The following STPG2 variants were observed in gnomAD, a reference collection of about 807,000 sequenced individuals.
STPG2 encodes sperm tail PG-rich repeat containing 2, also known as sperm-tail PG-rich repeat-containing protein 2.
A neutral mutation model predicts 54.2 loss-of-function variants in STPG2; 56 were observed. That is an observed-to-expected ratio of 1.03 (90% CI 0.83 to 1.29). The LOEUF is 1.29. STPG2 is among the 50% of genes most tolerant of loss of function. The pLI is 0.00. For synonymous variants in STPG2, 200 were observed against 181.8 expected, an observed-to-expected ratio of 1.10 and a Z score of -0.81; for missense variants, 596 against 544.9, an observed-to-expected ratio of 1.09 and a Z score of -0.93.
intron 5 of STPG2, among the ~76,000 whole-genome samples, chr4:97,994,214 C>A (rs1012597842): frequency 2.0e-5 from 3 of 152,074 alleles, no homozygotes; most frequent in Non-Finnish European, 4.4e-5. Context: ...AACTTTATTT[C>A]ATTGTTAACC....
chr4:97,789,271 C>T (rs1726920222), intron 9 of STPG2, among the ~76,000 whole-genome samples: 1 of 151,772 alleles, frequency 6.6e-6, no homozygotes, highest in South Asian at 2.1e-4. Flanking sequence ...TAAAATGTGC[C>T]TCATCAAAAA....
chr4:97,622,475 A>G (rs1278505391), intron 10 of STPG2, among the ~76,000 whole-genome samples: 11 of 152,140 alleles, frequency 7.2e-5, no homozygotes, highest in Non-Finnish European at 1.6e-4. Context: ...TATACACAAC[A>G]TATAAGCTGA....
At chr4:97,665,851 C>T (rs1722506088) in intron 10 of STPG2, among the ~76,000 whole-genome samples, 1 of 152,122 alleles carries the variant, frequency 6.6e-6, no homozygotes, top group Non-Finnish European at 1.5e-5. Context: ...TTATCACTGC[C>T]CTGAGCACAC....
At chr4:97,950,252 C>T (rs1733416253) in intron 7 of STPG2, among the ~76,000 whole-genome samples, 1 of 151,902 alleles carries the variant, frequency 6.6e-6, no homozygotes. Flanking sequence ...TAGGTTTGGC[C>T]ATTTTACATA....
intron 10 of STPG2, among the ~76,000 whole-genome samples, chr4:97,609,708 GAAATTA>G (rs1233891186): frequency 2.0e-5 from 3 of 151,714 alleles, no homozygotes; most frequent in Non-Finnish European, 2.9e-5. Context: ...CATATATTTC[GAAATTA>G]AAATTAAATT....
chr4:97,601,657 T>C (rs1251916710), intron 10 of STPG2, among the ~76,000 whole-genome samples: 1 of 151,948 alleles, frequency 6.6e-6, no homozygotes, highest in South Asian at 2.1e-4. Context: ...GATCCATATA[T>C]GCATACATCT....
intron 9 of STPG2, among the ~76,000 whole-genome samples, chr4:97,779,941 T>C (rs1343749410): frequency 6.6e-6 from 1 of 151,526 alleles, no homozygotes; most frequent in Non-Finnish European, 1.5e-5. Flanking sequence ...GCACTAAACA[T>C]GGAAAGGAAC....
chr4:97,767,996 T>C (rs1578547326), intron 9 of STPG2, among the ~76,000 whole-genome samples: 1 of 151,970 alleles, frequency 6.6e-6, no homozygotes, highest in Non-Finnish European at 1.5e-5. Flanking sequence ...TGAAACCCCG[T>C]CTCTACTAAA....
At chr4:97,608,020 C>A (rs752064994) in intron 10 of STPG2, among the ~76,000 whole-genome samples, 2 of 151,884 alleles carry the variant, frequency 1.3e-5, no homozygotes, top group Non-Finnish European at 2.9e-5. Context: ...CTATAAAGTC[C>A]AAACCACAGC....
At chr4:97,733,232 T>C (rs1724864367) in intron 9 of STPG2, among the ~76,000 whole-genome samples, 1 of 152,142 alleles carries the variant, frequency 6.6e-6, no homozygotes, top group African/African-American at 2.4e-5. Flanking sequence ...ACGTGGTGTA[T>C]ATACACCACG....
intron 10 of STPG2, among the ~76,000 whole-genome samples, chr4:97,682,714 A>C (rs956512269): frequency 6.6e-6 from 1 of 151,858 alleles, no homozygotes; most frequent in Non-Finnish European, 1.5e-5. Flanking sequence ...CCATTATCAG[A>C]TGGGGAAACA....
intron 10 of STPG2, among the ~76,000 whole-genome samples, chr4:97,627,618 C>T (rs1279564142): frequency 1.3e-5 from 2 of 152,082 alleles, no homozygotes; most frequent in East Asian, 3.9e-4. Context: ...ATTAGCCAAA[C>T]ATTTCCAAAA....
intron 10 of STPG2, among the ~76,000 whole-genome samples, chr4:97,682,964 C>T (rs1293481554): frequency 6.6e-6 from 1 of 151,750 alleles, no homozygotes; most frequent in African/African-American, 2.4e-5. Flanking sequence ...GAAGCAGATG[C>T]TATGCAGTTC....
At chr4:98,023,863 G>A (rs1004079696) in intron 5 of STPG2, among the ~76,000 whole-genome samples, 7 of 152,172 alleles carry the variant, frequency 4.6e-5, no homozygotes, top group South Asian at 2.1e-4. Context: ...CTGGTGTGCC[G>A]TTTTTTAAGC....
intron 4 of STPG2, among the ~76,000 whole-genome samples, chr4:97,457,559 G>A (rs1272523778): frequency 6.6e-6 from 1 of 152,188 alleles, no homozygotes; most frequent in East Asian, 1.9e-4. Flanking sequence ...CCTAGGTGGA[G>A]TTCTGAACCA....
intron 10 of STPG2, among the ~76,000 whole-genome samples, chr4:97,603,678 T>C (rs906938600): frequency 1.3e-5 from 2 of 151,606 alleles, no homozygotes; most frequent in South Asian, 2.1e-4. Context: ...TTCTGATACA[T>C]GCTAAATCAT....
At chr4:97,701,907 A>C (rs1034344138) in intron 10 of STPG2, among the ~76,000 whole-genome samples, 13 of 152,124 alleles carry the variant, frequency 8.5e-5, no homozygotes, top group Admixed American at 4.6e-4. Context: ...CTCCCATTAT[A>C]TTTAAATTTT....
chr4:97,442,360 C>A (rs1411068499), intron 4 of STPG2, among the ~76,000 whole-genome samples: 2 of 152,016 alleles, frequency 1.3e-5, no homozygotes, highest in Non-Finnish European at 2.9e-5. Flanking sequence ...TTAACTCACT[C>A]ATTTTCTTTA....
At chr4:97,810,475 A>AG (rs1176549291) in intron 9 of STPG2, among the ~76,000 whole-genome samples, 6 of 151,778 alleles carry the variant, frequency 4.0e-5, no homozygotes, top group Non-Finnish European at 7.4e-5. Context: ...AAAAAAAAAA[A>AG]AAAGAAAGCA....
Sources: gnomAD v4.1 joint callset for allele counts (sites outside exome capture counted in the v4.1 genomes callset) on GRCh38, gnomAD v4.1.1 for gene constraint, MANE v1.5 for transcripts, NCBI Gene and HGNC (gene_info 2026-07-23, HGNC 2026-07-21) for gene names.